Variants in SLC35F1 observed in about 807,000 individuals in gnomAD.
SLC35F1 encodes solute carrier family 35 member F1, also known as chromosome 6 open reading frame 169.
Under a neutral mutation model 48.7 loss-of-function variants are expected in SLC35F1, and 14 were observed. The observed-to-expected ratio is 0.29, with a 90% CI of 0.19 to 0.45. The LOEUF is 0.45. Ranked by LOEUF, SLC35F1 falls within the 20% of genes least tolerant of loss-of-function variation. The pLI is 1.00. For synonymous variants in SLC35F1, 190 were observed against 202.2 expected (o/e 0.94, Z 0.51); for missense variants, 404 against 500.0 (o/e 0.81, Z 1.83).
intron 7 of SLC35F1, among the ~76,000 whole-genome samples, chr6:118,297,634 A>AT (rs1200220595): frequency 3.1e-5 from 3 of 97,920 alleles, no homozygotes; most frequent in African/African-American, 1.3e-4. Context: ...ATATATATAT[A>AT]TATAAAAAAT....
intron 1 of SLC35F1, among the ~76,000 whole-genome samples, chr6:118,037,237 G>GTATC (rs1772147507): frequency 2.0e-5 from 3 of 151,994 alleles, no homozygotes; most frequent in African/African-American, 7.2e-5. Context: ...TATTTAAAGT[G>GTATC]TATCTTTTTA....
At chr6:117,970,455 C>A (rs957713299) in intron 1 of SLC35F1, among the ~76,000 whole-genome samples, 1 of 152,168 alleles carries the variant, frequency 6.6e-6, no homozygotes, top group Non-Finnish European at 1.5e-5. Context: ...TAAATAGTGT[C>A]TTTTCAGTTA....
intron 1 of SLC35F1, among the ~76,000 whole-genome samples, chr6:117,937,102 G>A (rs1471934357): frequency 6.6e-6 from 1 of 152,176 alleles, no homozygotes; most frequent in African/African-American, 2.4e-5. Flanking sequence ...TCATTTTGAG[G>A]ATGAGGAAAC....
At chr6:118,211,345 G>A (rs1039545913) in intron 2 of SLC35F1, among the ~76,000 whole-genome samples, 1 of 152,036 alleles carries the variant, frequency 6.6e-6, no homozygotes. Context: ...GCATGTATGT[G>A]TGTCTCATAA....
chr6:118,086,109 A>G (rs1772986246), intron 1 of SLC35F1, among the ~76,000 whole-genome samples: 1 of 152,226 alleles, frequency 6.6e-6, no homozygotes, highest in African/African-American at 2.4e-5. Context: ...TTTCAGGCAC[A>G]AATGACAAAT....
chr6:118,154,758 G>A lies in SLC35F1; in HGVS notation c.349+138G>A, dbSNP rs553090270. 5.8e-5 allele frequency: 43 copies of A among 744,842 alleles called. 2 individuals carry two copies. In the South Asian group the frequency reaches 1.1e-3, roughly 19 times the overall value. 46.1% of individuals were successfully genotyped at this position (744,842 alleles called of 1,614,324 possible). A position where few individuals can be genotyped will look rare whatever the true frequency, so the allele number is the denominator to read the frequency against. On this transcript the variant is annotated intron_variant, in intron 2 of 7. Coordinates refer to ENST00000360388, the MANE Select transcript of SLC35F1 (RefSeq NM_001029858.4). ...CCAGATCTTACTTTTCTATTTTGCA[G>A]TAATACAGTAAACAAAATGAGTGAA...
chr6:118,233,588 C>A (rs1775324637), intron 2 of SLC35F1, among the ~76,000 whole-genome samples: 2 of 152,044 alleles, frequency 1.3e-5, no homozygotes, highest in African/African-American at 4.8e-5. Context: ...CTTAGCTAAC[C>A]CTTGCTATAT....
chr6:118,297,426 A>G (rs1033620504), intron 7 of SLC35F1, among the ~76,000 whole-genome samples: 4 of 152,032 alleles, frequency 2.6e-5, no homozygotes, highest in African/African-American at 9.7e-5. Flanking sequence ...TTTGTAGAGA[A>G]TATGTTCCCT....
At chr6:118,001,088 G>A (rs1777086226) in intron 1 of SLC35F1, among the ~76,000 whole-genome samples, 1 of 151,884 alleles carries the variant, frequency 6.6e-6, no homozygotes, top group South Asian at 2.1e-4. Context: ...TCACAGAATT[G>A]GAAAAAACTA....
intron 6 of SLC35F1, among the ~76,000 whole-genome samples, chr6:118,284,776 T>C (rs1776029758): frequency 6.6e-6 from 1 of 152,196 alleles, no homozygotes; most frequent in Non-Finnish European, 1.5e-5. Flanking sequence ...GGGCAATACA[T>C]GATAGCAAGC....
chr6:118,096,653 A>T (rs1259954857), intron 1 of SLC35F1, among the ~76,000 whole-genome samples: 2 of 152,158 alleles, frequency 1.3e-5, no homozygotes, highest in African/African-American at 4.8e-5. Flanking sequence ...TGTTCTCTTC[A>T]TGCTAGGGCT....
chr6:117,926,167 G>A (rs141338803), intron 1 of SLC35F1, among the ~76,000 whole-genome samples: 108 of 152,206 alleles, frequency 7.1e-4, no homozygotes, highest in African/African-American at 2.6e-3. Flanking sequence ...GGGACCAGCT[G>A]GAGGTAATTG....
intron 1 of SLC35F1, among the ~76,000 whole-genome samples, chr6:117,967,258 A>C (rs1301401186): frequency 6.6e-6 from 1 of 152,218 alleles, no homozygotes; most frequent in Non-Finnish European, 1.5e-5. Context: ...AACTGGAAGA[A>C]GGATAGAAAA....
intron 1 of SLC35F1, among the ~76,000 whole-genome samples, chr6:117,981,238 AGGAGAGAGATGGTGCT>A (rs1051248771): frequency 5.3e-5 from 8 of 152,200 alleles, no homozygotes; most frequent in African/African-American, 1.7e-4. Context: ...TCTGGAGGGC[AGGAGAGAGATGGTGCT>A]GGAGTCGTGG....
At chr6:118,136,515 G>C (rs1010357298) in intron 1 of SLC35F1, among the ~76,000 whole-genome samples, 1 of 152,100 alleles carries the variant, frequency 6.6e-6, no homozygotes, top group African/African-American at 2.4e-5. Flanking sequence ...CACGTTATTT[G>C]TATCTTGAAG....
At chr6:118,123,669 T>C (rs529799881) in intron 1 of SLC35F1, among the ~76,000 whole-genome samples, 1 of 148,460 alleles carries the variant, frequency 6.7e-6, no homozygotes, top group East Asian at 2.0e-4. Context: ...GGTAAACACT[T>C]CTGAATTGAT....
intron 7 of SLC35F1, among the ~76,000 whole-genome samples, chr6:118,285,770 T>A (rs1776041689): frequency 6.6e-6 from 1 of 152,202 alleles, no homozygotes; most frequent in African/African-American, 2.4e-5. Flanking sequence ...CTTTGCAGAT[T>A]TTTTTATAGC....
chr6:118,297,622 T>TTA (rs1260418816), intron 7 of SLC35F1, among the ~76,000 whole-genome samples: 19 of 96,924 alleles, frequency 2.0e-4, no homozygotes, highest in Admixed American at 4.7e-4. Flanking sequence ...TTCTCAGAAC[T>TTA]TATATATATA....
intron 3 of SLC35F1, among the ~76,000 whole-genome samples, chr6:118,242,618 C>T (rs576265342): frequency 1.3e-5 from 2 of 152,312 alleles, no homozygotes; most frequent in Non-Finnish European, 2.9e-5. Flanking sequence ...TTAGCAATGA[C>T]ATTTGGACAC....
Sources: allele counts gnomAD v4.1 joint callset (sites outside exome capture counted in the v4.1 genomes callset), GRCh38; gene constraint gnomAD v4.1.1; transcripts MANE v1.5; gene names NCBI Gene and HGNC (gene_info 2026-07-23, HGNC 2026-07-21).